Variants in PUM3 observed in about 807,000 individuals in gnomAD.
The protein encoded by PUM3 is pumilio homolog 3.
Under a neutral mutation model 84.0 loss-of-function variants are expected in PUM3, and 91 were observed. That is an observed-to-expected ratio of 1.08 (90% CI 0.91 to 1.29). The LOEUF is 1.29. PUM3 is among the 50% of genes most tolerant of loss of function. The probability of loss-of-function intolerance (pLI) is 0.00; values close to 1 mark genes in which losing one functional copy is unlikely to be tolerated. For synonymous variants in PUM3, 321 were observed against 266.7 expected (o/e 1.20, Z -1.98); for missense variants, 1,067 against 767.5 (o/e 1.39, Z -4.61).
chr9:2,808,122 G>T (rs1324964818), intron 16 of PUM3: 13 of 503,822 alleles, frequency 2.6e-5, no homozygotes, highest in Non-Finnish European at 7.0e-6. Flanking sequence ...CAAAACCTAA[G>T]CTATGTTTAG....
At chr9:2,810,582 A>G (rs768597955) in intron 15 of PUM3, 151 bp from the exon 16 acceptor site, 2 of 588,878 alleles carry the variant, frequency 3.4e-6, no homozygotes, top group Non-Finnish European at 5.9e-6. Flanking sequence ...TATCTAGGAC[A>G]ACCATCATAC....
At position 2,823,799 on chromosome 9, in the gene PUM3, A is replaced by G. The variant is rs138265520; in HGVS notation, c.1170T>C (p.Tyr390=). Residue 390 remains tyrosine (Y), a synonymous_variant, in exon 12 of 18, where the codon TAT becomes TAC. Coordinates refer to ENST00000397885, the MANE Select transcript of PUM3 (RefSeq NM_014878.5). Reference sequence around the variant, plus strand: ...TACTTACATTAGCCACCTTTTCAACATAAGTCTTCATTGTTTTCACAATCA... The same window carrying G: ...TACTTACATTAGCCACCTTTTCAACGTAAGTCTTCATTGTTTTCACAATCA... ...RKVIVKTMKT[Y]VEKVANGQYS... is the part of the protein sequence containing the mutation. 155 of 1,511,906 alleles carry G rather than the reference A, an allele frequency of 1.0e-4. No individual in the cohort carries two copies. Among genetic ancestry groups the G allele is most frequent in the Admixed American group, 4.7e-4 (26 of 54,792 alleles). The allele number at this position is 1,511,906 out of a possible 1,614,324, so 93.7% of individuals were successfully genotyped here.
chr9:2,812,192 G>C (rs766891377), intron 14 of PUM3, 28 bp downstream of exon 14: 2 of 1,602,112 alleles, frequency 1.2e-6, no homozygotes, highest in Non-Finnish European at 1.7e-6. Context: ...GAGGAATAAA[G>C]AAGTCAAGCC....
chr9:2,826,866 A>G (rs968355931), intron 10 of PUM3, among the ~76,000 whole-genome samples: 2 of 152,220 alleles, frequency 1.3e-5, no homozygotes, highest in Admixed American at 6.5e-5. Context: ...TATGATTAGT[A>G]AAACTAGGGT....
intron 4 of PUM3, 102 bp from the exon 5 acceptor site, chr9:2,833,534 G>A (rs1324577310): frequency 3.4e-6 from 2 of 588,744 alleles, no homozygotes; most frequent in Non-Finnish European, 5.6e-6. Context: ...AGTTCAGCAT[G>A]ATTTTCTTTT....
Position 2,828,492 on chromosome 9 carries a change from T to C in PUM3, c.956+183A>G, listed in dbSNP as rs141526222. 3.7e-3 allele frequency: 2,039 copies of C among 550,376 alleles called. 11 individuals are homozygous for C. Among genetic ancestry groups the C allele is most frequent in the Non-Finnish European group, 5.4e-3 (1,681 of 311,452 alleles). 34.1% of individuals were successfully genotyped at this position (550,376 alleles called of 1,614,324 possible). On this transcript the variant is annotated intron_variant, in intron 9 of 17. Transcript: ENST00000397885. Reference sequence around the variant, plus strand: ...TTAGTTATCATTTTATAGGGTACAATATCAGAAAAAGAAATCTCCTTTTGC... The same window carrying C: ...TTAGTTATCATTTTATAGGGTACAACATCAGAAAAAGAAATCTCCTTTTGC...
intron 16 of PUM3, among the ~76,000 whole-genome samples, chr9:2,809,840 TACTCTTTGGTC>T (rs1427485155): frequency 6.6e-6 from 1 of 152,202 alleles, no homozygotes; most frequent in East Asian, 1.9e-4. Flanking sequence ...AAGACTGGCT[TACTCTTTGGTC>T]ACATGTATTT....
intron 5 of PUM3, among the ~76,000 whole-genome samples, chr9:2,831,974 G>C (rs1317990760): frequency 6.6e-6 from 1 of 151,952 alleles, no homozygotes; most frequent in Non-Finnish European, 1.5e-5. Context: ...ATGACTGTTG[G>C]AAGGACCCAC....
At position 2,824,818 on chromosome 9, in the gene PUM3, A is replaced by C; in HGVS notation, c.1036-3T>G. The C allele has an allele frequency of 1.3e-6, 2 of 1,548,232 alleles. No individual in the cohort carries two copies. The highest frequency in any genetic ancestry group is 1.8e-6 in the Non-Finnish European group (2 of 1,138,216). ...TCGCGGATGGCTTCAATCATTTCCT[A>C]GGGAACAAATGCTGTCAGGAACAGG... On this transcript the variant is annotated splice_region_variant and splice_polypyrimidine_tract_variant and intron_variant, in intron 10 of 17. Coordinates refer to ENST00000397885, the MANE Select transcript of PUM3 (RefSeq NM_014878.5).
intron 13 of PUM3, among the ~76,000 whole-genome samples, chr9:2,819,704 T>G (rs1280841087): frequency 6.6e-6 from 1 of 152,210 alleles, no homozygotes; most frequent in Non-Finnish European, 1.5e-5. Context: ...AAATATCACT[T>G]TGCTAATTTT....
At chr9:2,806,256 A>G (rs1230439605) in intron 17 of PUM3, among the ~76,000 whole-genome samples, 2 of 152,240 alleles carry the variant, frequency 1.3e-5, no homozygotes, top group African/African-American at 2.4e-5. Context: ...ATTTGTAATG[A>G]AAAAGTTCAT....
chr9:2,810,610 C>G (rs139795069), intron 15 of PUM3, among the ~76,000 whole-genome samples, 179 bp from the exon 16 acceptor site: 14 of 152,338 alleles, frequency 9.2e-5, no homozygotes, highest in Non-Finnish European at 1.8e-4. Flanking sequence ...GACCACAGAT[C>G]TATTCTGATC....
intron 13 of PUM3, among the ~76,000 whole-genome samples, chr9:2,819,476 C>T (rs890189581): frequency 4.6e-5 from 7 of 152,202 alleles, no homozygotes; most frequent in African/African-American, 1.7e-4. Context: ...TCTGACCCTA[C>T]AAAAGCTCTA....
At chr9:2,835,242 G>T (rs954559821) in intron 3 of PUM3, among the ~76,000 whole-genome samples, 1 of 152,028 alleles carries the variant, frequency 6.6e-6, no homozygotes, top group African/African-American at 2.4e-5. Flanking sequence ...GTGAGACCCC[G>T]TCTCCACAAA....
In PUM3 at chr9:2,829,687, C is replaced by A. The variant is rs144196130; in HGVS notation, c.852+87G>T. On this transcript the variant is annotated intron_variant, in intron 8 of 17. Coordinates refer to ENST00000397885, the MANE Select transcript of PUM3 (RefSeq NM_014878.5). The stretch of plus-strand genomic sequence containing the variant: ...TAAAGAACCAGCCACAGTAAAAATA[C>A]ATTCAAAAGATATATAGGGCACCGG... 24 of 1,100,182 alleles carry A rather than the reference C, an allele frequency of 2.2e-5. No individual in the cohort carries two copies. In the African/African-American group the frequency reaches 3.1e-4, roughly 14 times the overall value. The allele number at this position is 1,100,182 out of a possible 1,614,324, so 68.2% of individuals were successfully genotyped here. A position where few individuals can be genotyped will look rare whatever the true frequency, so the allele number is the denominator to read the frequency against.
rs148477543 is a variant in PUM3 at position 2,829,837 on chromosome 9, G to A, written c.789C>T (p.Ala263=). ...TCAGCATGTTCCTCTGCTCCAAAATGGCTTTGTCATTGTATGCGTACTCCA... is the reference window on the plus strand; with the variant it reads ...TCAGCATGTTCCTCTGCTCCAAAATAGCTTTGTCATTGTATGCGTACTCCA... ...AIVEYAYNDK[A]ILEQRNMLTE... The change falls in exon 8 of 18, where the codon GCC becomes GCT. Residue 263 remains alanine, a synonymous_variant. Coordinates refer to ENST00000397885, the MANE Select transcript of PUM3 (RefSeq NM_014878.5). 55 of 1,614,000 alleles carry A rather than the reference G, an allele frequency of 3.4e-5. No homozygotes were observed. The highest frequency in any genetic ancestry group is 4.1e-5 in the Non-Finnish European group (48 of 1,179,982).
chr9:2,822,870 C>T (rs1214685092), intron 12 of PUM3, among the ~76,000 whole-genome samples: 1 of 151,024 alleles, frequency 6.6e-6, no homozygotes, highest in African/African-American at 2.4e-5. Context: ...ACGTTAGCTG[C>T]CTTCTGAATT....
Position 2,810,436 on chromosome 9 carries a change from G to T in PUM3, c.1636-5C>A. ...AGGATGTTCTGCAATGTGAAGCTAT[G>T]AAGGGTCAAGAACAGTTAATTTTAA... is the stretch of plus-strand genomic sequence containing the variant. On this transcript the variant is annotated splice_region_variant and splice_polypyrimidine_tract_variant and intron_variant, in intron 15 of 17. Coordinates refer to ENST00000397885, the MANE Select transcript of PUM3 (RefSeq NM_014878.5). The T allele has an allele frequency of 6.3e-7, 1 of 1,590,372 alleles. No individual in the cohort carries two copies. Among genetic ancestry groups the T allele is most frequent in the Non-Finnish European group, 8.6e-7 (1 of 1,164,246 alleles).
At chr9:2,817,004 G>C (rs915245449) in intron 13 of PUM3, among the ~76,000 whole-genome samples, 2 of 152,238 alleles carry the variant, frequency 1.3e-5, no homozygotes, top group African/African-American at 2.4e-5. Flanking sequence ...CGTAGTGGCT[G>C]AGTGGGAAAT....
Sources: allele counts gnomAD v4.1 joint callset (sites outside exome capture counted in the v4.1 genomes callset), GRCh38; gene constraint gnomAD v4.1.1; transcripts MANE v1.5; gene names NCBI Gene and HGNC (gene_info 2026-07-23, HGNC 2026-07-21).